The following RBM11 variants were observed in gnomAD, a reference collection of about 807,000 sequenced individuals.
RBM11 encodes splicing regulator RBM11.
Under a neutral mutation model 21.4 loss-of-function variants are expected in RBM11, and 18 were observed. That is an observed-to-expected ratio of 0.84 (90% confidence interval 0.58 to 1.25). The LOEUF (loss-of-function observed/expected upper bound fraction) is 1.25. RBM11 is among the 50% of genes most tolerant of loss of function. RBM11 has a pLI of 0.00. For missense variants in RBM11, 294 were observed against 331.9 expected (o/e 0.89, Z 0.89); for synonymous variants, 120 against 116.3 (o/e 1.03, Z -0.20).
rs763112579 is a variant in RBM11, at chr21:14,219,686, C to T, written c.220C>T (p.Arg74Cys). The T allele has an allele frequency of 2.5e-5, 40 of 1,605,698 alleles. No individual in the cohort carries two copies. The highest frequency in any genetic ancestry group is 4.5e-5 in the East Asian group (2 of 44,744). Residue 74 changes from arginine (R) to cysteine (C), a missense_variant, in exon 2 of 5, where the codon CGT (arginine) becomes TGT (cysteine). Physicochemically the swap from Arg to Cys is radical, Grantham distance 180. Transcript: ENST00000400577. ...TGCCATAGCTTTGCTGAATGGAATTCGTTTATATGGAAGACCAATTAACGT... is the reference window on the plus strand; with the variant it reads ...TGCCATAGCTTTGCTGAATGGAATTTGTTTATATGGAAGACCAATTAACGT... ...SYAIALLNGI[R>C]LYGRPINVQY...
rs1490304367 is a variant in RBM11 at position 14,221,129 on chromosome 21, A to T, written c.292A>T (p.Ser98Cys). Residue 98 changes from serine to cysteine, a missense_variant, in exon 3 of 5, where the codon AGT (serine) becomes TGT (cysteine). By Grantham distance (112) the Ser-to-Cys change is moderately radical (BLOSUM62 -1). This residue lies in a region of RBM11 where 181 missense variants were observed against 164.6 expected (regional missense o/e 1.10). Transcript: ENST00000400577. ...SSRSSEPANQSFESCVKINSH... is the reference protein window; with the variant it reads ...SSRSSEPANQCFESCVKINSH... ...TCGCTCTTCTGAACCAGCTAACCAA[A>T]GTTTTGAGAGCTGTGTTAAGATAAA... 11 of 1,580,696 alleles carry T rather than the reference A, an allele frequency of 7.0e-6. No individual in the cohort carries two copies. Among genetic ancestry groups the T allele is most frequent in the Non-Finnish European group, 9.5e-6 (11 of 1,161,788 alleles).
chr21:14,216,250 C>T lies in RBM11; in HGVS notation c.64C>T (p.Arg22Trp), dbSNP rs1442957605. The T allele has an allele frequency of 6.2e-7, 1 of 1,613,774 alleles. No individual in the cohort carries two copies. The highest frequency in any genetic ancestry group is 8.5e-7 in the Non-Finnish European group (1 of 1,179,792). ...VFVGNLEARV[R>W]EEILYELFLQ... ...TGTTGGGAATTTAGAGGCCCGAGTT[C>T]GGGAAGAGATTCTGTACGAGCTGTT... The change falls in exon 1 of 5, where the codon CGG becomes TGG. Residue 22 changes from arginine to tryptophan, a missense_variant. Transcript: ENST00000400577.
At position 14,216,231 on chromosome 21, in the gene RBM11, G is replaced by A. The variant is rs768348262; in HGVS notation, c.45G>A (p.Gly15=). 2 of 1,613,786 alleles carry A rather than the reference G, an allele frequency of 1.2e-6. No individual in the cohort carries two copies. Among genetic ancestry groups the A allele is most frequent in the East Asian group, 2.2e-5 (1 of 44,874 alleles). The change falls in exon 1 of 5, where the codon GGG becomes GGA. Residue 15 remains glycine (G), a synonymous_variant. Coordinates refer to ENST00000400577, the MANE Select transcript of RBM11 (RefSeq NM_144770.5). ...QEEADRTVFV[G]NLEARVREEI... is the part of the protein sequence containing the mutation. Reference sequence around the variant, plus strand: ...AGGCCGACAGGACCGTGTTTGTTGGGAATTTAGAGGCCCGAGTTCGGGAAG... The same window carrying A: ...AGGCCGACAGGACCGTGTTTGTTGGAAATTTAGAGGCCCGAGTTCGGGAAG...
intron 1 of RBM11, among the ~76,000 whole-genome samples, chr21:14,218,535 A>C (rs1452377685): frequency 6.6e-6 from 1 of 152,176 alleles, no homozygotes; most frequent in Non-Finnish European, 1.5e-5. Flanking sequence ...TTTGTTGATG[A>C]GGTGGTCCTT....
chr21:14,224,657 G>C, intron 4 of RBM11, 120 bp downstream of exon 4: 7 of 1,352,402 alleles, frequency 5.2e-6, no homozygotes, highest in Non-Finnish European at 5.9e-6. Context: ...AGATGTCCCA[G>C]CACTGTCCTC....
At chr21:14,216,906 C>T (rs995917620) in intron 1 of RBM11, among the ~76,000 whole-genome samples, 3 of 152,118 alleles carry the variant, frequency 2.0e-5, no homozygotes, top group African/African-American at 7.2e-5. Flanking sequence ...ATCGTATTGT[C>T]CTATACAGCT....
chr21:14,224,256 G>T (rs1191511548), intron 3 of RBM11, 182 bp from the exon 4 acceptor site: 2 of 852,164 alleles, frequency 2.3e-6, no homozygotes, highest in East Asian at 5.7e-5. Context: ...TGGGATTTAG[G>T]ACTTTAACAG....
intron 2 of RBM11, 147 bp from the exon 3 acceptor site, chr21:14,220,950 A>G (rs1978614131): frequency 1.6e-6 from 1 of 625,906 alleles, no homozygotes; most frequent in African/African-American, 1.9e-5. Flanking sequence ...ATGATTTGAG[A>G]GGTCAGATAT....
At chr21:14,225,423 G>A (rs1197292983) in intron 4 of RBM11, among the ~76,000 whole-genome samples, 2 of 152,182 alleles carry the variant, frequency 1.3e-5, no homozygotes, top group African/African-American at 4.8e-5. Flanking sequence ...TGTTAAAGGT[G>A]AACTCATTTT....
chr21:14,225,089 A>G (rs971678357), intron 4 of RBM11, among the ~76,000 whole-genome samples: 4 of 152,268 alleles, frequency 2.6e-5, no homozygotes, highest in South Asian at 4.1e-4. Context: ...AGCCTGGCCA[A>G]TAGAGCAAGA....
At chr21:14,218,164 G>A (rs1384895152) in intron 1 of RBM11, among the ~76,000 whole-genome samples, 2 of 151,602 alleles carry the variant, frequency 1.3e-5, no homozygotes, top group African/African-American at 4.9e-5. Context: ...CTAAAAGTAA[G>A]TCTTCATGTT....
At chr21:14,220,283 A>G (rs1482199632) in intron 2 of RBM11, among the ~76,000 whole-genome samples, 1 of 152,168 alleles carries the variant, frequency 6.6e-6, no homozygotes, top group Non-Finnish European at 1.5e-5. Context: ...CTTCTCCTGC[A>G]CGCATATCAG....
At chr21:14,216,325 G>A (rs1378785889) in intron 1 of RBM11, 43 bp downstream of exon 1, 3 of 1,568,428 alleles carry the variant, frequency 1.9e-6, no homozygotes, top group Non-Finnish European at 8.7e-7. Flanking sequence ...GGAGCACGTC[G>A]GGCCGGAAAC....
intron 1 of RBM11, among the ~76,000 whole-genome samples, 193 bp downstream of exon 1, chr21:14,216,475 A>G (rs1415475746): frequency 6.6e-6 from 1 of 152,016 alleles, no homozygotes; most frequent in Non-Finnish European, 1.5e-5. Flanking sequence ...CCCCATCCCC[A>G]TCCGCGCTGC....
intron 4 of RBM11, among the ~76,000 whole-genome samples, chr21:14,224,945 C>A (rs1978969349): frequency 6.6e-6 from 1 of 151,878 alleles, no homozygotes; most frequent in African/African-American, 2.4e-5. Context: ...ACAGTGAAAC[C>A]CTCTCCATCA....
chr21:14,224,645 C>A, intron 4 of RBM11, 108 bp downstream of exon 4: 1 of 1,405,368 alleles, frequency 7.1e-7, no homozygotes, highest in Non-Finnish European at 9.4e-7. Flanking sequence ...GATGAAGGCA[C>A]AAGATGTCCC....
rs1252704278 is a variant in RBM11, at chr21:14,227,178, T to C, written c.731T>C (p.Met244Thr). The C allele has an allele frequency of 3.1e-6, 5 of 1,613,852 alleles. No homozygotes were observed. The highest frequency in any genetic ancestry group is 2.2e-5 in the East Asian group (1 of 44,900). ...CCAAGTGACTCTGACCTTTATCAGATGAATAAACGAAAGAGACAAAAGCAA... is the reference window on the plus strand; with the variant it reads ...CCAAGTGACTCTGACCTTTATCAGACGAATAAACGAAAGAGACAAAAGCAA... ...QQPSDSDLYQMNKRKRQKQTS... is the reference protein window; with the variant it reads ...QQPSDSDLYQTNKRKRQKQTS... Residue 244 changes from methionine (M) to threonine (T), a missense_variant, in exon 5 of 5, where the codon ATG becomes ACG. This residue lies in a region of RBM11 where 113 missense variants were observed against 167.3 expected (regional missense o/e 0.68). Transcript: ENST00000400577.
chr21:14,227,213 A>G lies in RBM11; in HGVS notation c.766A>G (p.Ser256Gly). 1 of 1,614,088 alleles carries G rather than the reference A, an allele frequency of 6.2e-7. No individual in the cohort carries two copies. Among genetic ancestry groups the G allele is most frequent in the Non-Finnish European group, 8.5e-7 (1 of 1,179,910 alleles). Residue 256 changes from serine (S) to glycine (G), a missense_variant, in exon 5 of 5, where the codon AGT becomes GGT. Transcript: ENST00000400577. Reference protein sequence around the residue: ...KRKRQKQTSDSDSSTDNNRGN... With the variant: ...KRKRQKQTSDGDSSTDNNRGN... The stretch of plus-strand genomic sequence containing the variant: ...AAAGAGACAAAAGCAAACAAGTGAT[A>G]GTGATAGTAGCACAGACAACAACAG...
At chr21:14,222,143 C>A (rs1978716178) in intron 3 of RBM11, among the ~76,000 whole-genome samples, 1 of 151,778 alleles carries the variant, frequency 6.6e-6, no homozygotes. Flanking sequence ...CTGGTACTGT[C>A]TGGTTAACTT....
Sources: gnomAD v4.1 joint callset for allele counts (sites outside exome capture counted in the v4.1 genomes callset) on GRCh38, gnomAD v4.1.1 for gene constraint, gnomAD v4.1.1 regional missense constraint, MANE v1.5 for transcripts, NCBI Gene and HGNC (gene_info 2026-07-23, HGNC 2026-07-21) for gene names.